SPMAP1: variants seen among roughly 807,000 people sequenced by gnomAD.
SPMAP1 encodes the protein uncharacterized protein C17orf98.
the SPMAP1 span, chr17:38,835,360 A>G: frequency 2.5e-6 from 4 of 1,613,862 alleles, no homozygotes; most frequent in Admixed American, 5.0e-5. Flanking sequence ...GGGGACAAGG[A>G]GAGAGAGGCC....
the SPMAP1 span, chr17:38,837,165 T>C: frequency 1.9e-6 from 3 of 1,613,374 alleles, no homozygotes; most frequent in Non-Finnish European, 2.5e-6. Flanking sequence ...TTTCTCCTGT[T>C]GAGGTATCTT....
chr17:38,835,887 G>A, the SPMAP1 span, among the ~76,000 whole-genome samples: 1 of 152,074 alleles, frequency 6.6e-6, no homozygotes, highest in Non-Finnish European at 1.5e-5. Flanking sequence ...GGGGAACAGG[G>A]GCTTCAGAGT....
the SPMAP1 span, chr17:38,841,239 C>T: frequency 3.5e-5 from 57 of 1,614,052 alleles, no homozygotes; most frequent in Non-Finnish European, 4.7e-5. Context: ...TAGCTGCGGG[C>T]GTGGTAGTCC....
chr17:38,835,358 GGAGA>G, the SPMAP1 span: 1 of 1,613,942 alleles, frequency 6.2e-7, no homozygotes, highest in East Asian at 2.2e-5. Flanking sequence ...TTGGGGACAA[GGAGA>G]GAGAGGCCTG....
chr17:38,839,825 A>G, the SPMAP1 span, among the ~76,000 whole-genome samples: 1 of 152,038 alleles, frequency 6.6e-6, no homozygotes, highest in Non-Finnish European at 1.5e-5. Flanking sequence ...AAAAAATTAC[A>G]TGAGTCAACA....
chr17:38,836,585 CTTTTTTTT>C, the SPMAP1 span, among the ~76,000 whole-genome samples: 8 of 58,424 alleles, frequency 1.4e-4, no homozygotes, highest in African/African-American at 3.3e-4. Flanking sequence ...TTCTTTCTTT[CTTTTTTTT>C]TTTTTTTTTT....
At chr17:38,836,439 A>G in the SPMAP1 span, among the ~76,000 whole-genome samples, 4 of 152,076 alleles carry the variant, frequency 2.6e-5, no homozygotes, top group Admixed American at 1.3e-4. Flanking sequence ...CATCTCCACA[A>G]AAAATAAAAA....
chr17:38,835,219 G>A, the SPMAP1 span: 796 of 1,614,234 alleles, frequency 4.9e-4, 6 homozygotes, highest in South Asian at 5.2e-3. Context: ...TGACCTCTCC[G>A]AAGACGGACG....
chr17:38,841,211 A>G, the SPMAP1 span: 1 of 1,614,102 alleles, frequency 6.2e-7, no homozygotes, highest in African/African-American at 1.3e-5. Context: ...AAGGGGCGGA[A>G]CCACGTGACT....
the SPMAP1 span, among the ~76,000 whole-genome samples, chr17:38,836,593 T>C: frequency 5.2e-5 from 7 of 134,400 alleles, no homozygotes; most frequent in South Asian, 4.8e-4. Flanking sequence ...TTCTTTTTTT[T>C]TTTTTTTTTT....
At chr17:38,837,255 G>A in the SPMAP1 span, 12 of 1,571,084 alleles carry the variant, frequency 7.6e-6, no homozygotes, top group Non-Finnish European at 1.1e-5. Context: ...AAGTGGGCAA[G>A]AGAAAGTGGG....
chr17:38,836,343 G>A, the SPMAP1 span, among the ~76,000 whole-genome samples: 1 of 151,994 alleles, frequency 6.6e-6, no homozygotes, highest in Non-Finnish European at 1.5e-5. Flanking sequence ...GCTCATGTCT[G>A]TAATGCCAGC....
chr17:38,837,647 C>T, the SPMAP1 span, among the ~76,000 whole-genome samples: 5 of 150,152 alleles, frequency 3.3e-5, no homozygotes, highest in Admixed American at 1.3e-4. Flanking sequence ...CATTGCACTC[C>T]AGCCTGGGCA....
At chr17:38,835,384 A>G in the SPMAP1 span, 1 of 1,609,502 alleles carries the variant, frequency 6.2e-7, no homozygotes, top group Non-Finnish European at 8.5e-7. Flanking sequence ...GCCTGCATTC[A>G]GCCCACCTCT....
chr17:38,835,130 T>G, the SPMAP1 span: 1 of 1,547,804 alleles, frequency 6.5e-7, no homozygotes, highest in Middle Eastern at 1.7e-4. Context: ...ACACTAAGAG[T>G]TCATCTAAAC....
chr17:38,839,108 GA>G, the SPMAP1 span, among the ~76,000 whole-genome samples: 1 of 139,904 alleles, frequency 7.1e-6, no homozygotes, highest in East Asian at 2.2e-4. Context: ...AAAAAAAAAG[GA>G]AAGAAAGAAA....
At chr17:38,835,197 G>A in the SPMAP1 span, 3 of 1,614,216 alleles carry the variant, frequency 1.9e-6, no homozygotes, top group Non-Finnish European at 2.5e-6. Context: ...TGTTAGAACA[G>A]AGGGAAGTGG....
the SPMAP1 span, among the ~76,000 whole-genome samples, chr17:38,837,695 A>G: frequency 6.6e-6 from 1 of 151,848 alleles, no homozygotes; most frequent in South Asian, 2.1e-4. Flanking sequence ...AAAAAAAAGA[A>G]AAAAAGAAAA....
the SPMAP1 span, among the ~76,000 whole-genome samples, chr17:38,840,983 A>G: frequency 6.6e-6 from 1 of 152,142 alleles, no homozygotes; most frequent in African/African-American, 2.4e-5. Flanking sequence ...GGTTGCAGTG[A>G]GCCAAGATGG....
Sources: gnomAD v4.1 joint callset for allele counts (sites outside exome capture counted in the v4.1 genomes callset) on GRCh38, gnomAD v4.1.1 for gene constraint, MANE v1.5 for transcripts, NCBI Gene and HGNC (gene_info 2026-07-23, HGNC 2026-07-21) for gene names.